The following FRYL variants were observed in gnomAD, a reference collection of about 807,000 sequenced individuals.
FRYL encodes protein furry homolog-like.
A neutral mutation model predicts 351.2 loss-of-function variants in FRYL; 150 were observed. The ratio of observed to expected loss-of-function variants is 0.43; its 90% CI spans 0.37 to 0.49. The LOEUF (loss-of-function observed/expected upper bound fraction) is 0.49, where lower values mean the gene tolerates loss of function less well. Ranked by LOEUF, FRYL falls within the 20% of genes least tolerant of loss-of-function variation. The pLI is 0.00. For missense variants in FRYL, 3,036 were observed against 3,619.3 expected (o/e 0.84, Z 4.13); for synonymous variants, 1,153 against 1,257.1 (o/e 0.92, Z 1.75).
At chr4:48,681,572 A>G (rs1272819634) in intron 3 of FRYL, among the ~76,000 whole-genome samples, 4 of 152,186 alleles carry the variant, frequency 2.6e-5, no homozygotes, top group Admixed American at 6.5e-5. Context: ...AATTCTTATC[A>G]TTTTGAAAAT....
At chr4:48,586,575 G>A (rs1325515872) in intron 19 of FRYL, 46 bp downstream of exon 19, 1 of 1,221,270 alleles carries the variant, frequency 8.2e-7, no homozygotes, top group Admixed American at 1.7e-5. Context: ...AAATATAAAG[G>A]AGCAGAAGAC....
chr4:48,648,237 A>G (rs1388636068), intron 3 of FRYL, among the ~76,000 whole-genome samples: 1 of 152,090 alleles, frequency 6.6e-6, no homozygotes, highest in African/African-American at 2.4e-5. Flanking sequence ...AATCACCCCA[A>G]TCACTGTCGC....
chr4:48,565,138 ATACTT>A (rs1736481869), intron 29 of FRYL, 95 bp from the exon 30 acceptor site: 2 of 604,344 alleles, frequency 3.3e-6, no homozygotes, highest in Non-Finnish European at 5.7e-6. Flanking sequence ...TCTAGTCACA[ATACTT>A]TAATCTTTTT....
At chr4:48,700,359 G>A (rs1766599553) in intron 2 of FRYL, among the ~76,000 whole-genome samples, 1 of 151,998 alleles carries the variant, frequency 6.6e-6, no homozygotes, top group Non-Finnish European at 1.5e-5. Context: ...ACCTCATCAG[G>A]TTTTTTTCAC....
intron 3 of FRYL, among the ~76,000 whole-genome samples, chr4:48,683,225 C>G (rs896868756): frequency 6.7e-6 from 1 of 149,930 alleles, no homozygotes; most frequent in Admixed American, 6.7e-5. Context: ...ACAATGAGAA[C>G]ACATGGACAC....
intron 3 of FRYL, among the ~76,000 whole-genome samples, chr4:48,655,657 T>C (rs1758697375): frequency 1.4e-5 from 2 of 147,334 alleles, no homozygotes; most frequent in Non-Finnish European, 3.0e-5. Context: ...ATATATACAT[T>C]ATATATAATG....
Position 48,518,584 on chromosome 4 carries a change from CAT to C in FRYL, c.7689+2462_7689+2463del, listed in dbSNP as rs368952508. 3.1e-3 allele frequency among the ~76,000 whole-genome samples: 467 copies of C among 152,320 alleles called. 1 individual carries two copies. Among genetic ancestry groups the C allele is most frequent in the African/African-American group, 0.011 (444 of 41,576 alleles). ...GTTACCTGCTGTGTGGCCTGTGACA[CAT>C]GTCATGACAGTGCCTTGGCCCACCC... On this transcript the variant is annotated intron_variant, in intron 55 of 63. Coordinates refer to ENST00000358350, the MANE Select transcript of FRYL (RefSeq NM_015030.2).
intron 3 of FRYL, among the ~76,000 whole-genome samples, chr4:48,635,843 A>G (rs1754122255): frequency 6.6e-6 from 1 of 152,212 alleles, no homozygotes; most frequent in African/African-American, 2.4e-5. Flanking sequence ...AAGAGGAAGC[A>G]GAACACAATT....
chr4:48,627,516 T>C (rs555467304), intron 4 of FRYL, among the ~76,000 whole-genome samples: 2 of 152,284 alleles, frequency 1.3e-5, no homozygotes, highest in African/African-American at 4.8e-5. Flanking sequence ...TTCTGAAGAT[T>C]TGACATCCTC....
intron 28 of FRYL, among the ~76,000 whole-genome samples, chr4:48,566,802 G>A (rs948556076): frequency 5.3e-5 from 8 of 152,144 alleles, no homozygotes; most frequent in Admixed American, 3.3e-4. Context: ...AGTATCTGTC[G>A]ATATAGACCC....
chr4:48,713,234 A>T (rs1379782682), intron 1 of FRYL, among the ~76,000 whole-genome samples: 1 of 152,152 alleles, frequency 6.6e-6, no homozygotes, highest in East Asian at 1.9e-4. Context: ...TAACACTATT[A>T]ACTTTATTTG....
chr4:48,577,104 C>T (rs1739797679), intron 23 of FRYL, among the ~76,000 whole-genome samples: 1 of 151,996 alleles, frequency 6.6e-6, no homozygotes, highest in Admixed American at 6.6e-5. Context: ...AGCAATTTTT[C>T]CCTATTATAC....
Position 48,658,744 on chromosome 4 carries a change from C to T in FRYL, c.-80-24254G>A, listed in dbSNP as rs1012668249. On this transcript the variant is annotated intron_variant, in intron 3 of 63. Transcript: ENST00000358350. ...ACTCCTGCCTGAGTGACAGTGAGAC[C>T]TTCATAAATAAATAAATAAATAAAT... Among the ~76,000 whole-genome samples, 23 of 88,348 alleles carry T rather than the reference C, an allele frequency of 2.6e-4. 1 individual carries two copies. The highest frequency in any genetic ancestry group is 1.0e-3 in the African/African-American group (23 of 23,034). The allele number at this position is 88,348 out of a possible 152,430, so 58.0% of individuals were successfully genotyped here. A position where few individuals can be genotyped will look rare whatever the true frequency, so the allele number is the denominator to read the frequency against.
At chr4:48,641,929 T>C (rs1200892958) in intron 3 of FRYL, among the ~76,000 whole-genome samples, 1 of 152,240 alleles carries the variant, frequency 6.6e-6, no homozygotes, top group Non-Finnish European at 1.5e-5. Flanking sequence ...TTCGCTTTAT[T>C]TGTTCCATTT....
chr4:48,720,063 T>G (rs572819594), intron 1 of FRYL, among the ~76,000 whole-genome samples: 2 of 145,988 alleles, frequency 1.4e-5, no homozygotes, highest in Non-Finnish European at 3.0e-5. Flanking sequence ...GGCAGGAGAA[T>G]GGCTTGAACC....
chr4:48,701,490 T>C (rs568501611), intron 2 of FRYL, among the ~76,000 whole-genome samples: 1 of 151,940 alleles, frequency 6.6e-6, no homozygotes, highest in Non-Finnish European at 1.5e-5. Flanking sequence ...GAAGGAAAAA[T>C]TGAATAAGAG....
intron 3 of FRYL, among the ~76,000 whole-genome samples, chr4:48,656,592 A>G (rs1217874742): frequency 3.9e-5 from 5 of 129,236 alleles, no homozygotes; most frequent in Admixed American, 1.7e-4. Context: ...TAATGTATAT[A>G]GTAATGTATA....
intron 7 of FRYL, chr4:48,618,225 TTTAA>T (rs932909563): frequency 6.6e-6 from 1 of 152,236 alleles, no homozygotes; most frequent in African/African-American, 2.4e-5. Context: ...TGATTTAACC[TTTAA>T]TTAACTCTTC....
In FRYL at chr4:48,567,218, A is replaced by G. The variant is rs1736983365; in HGVS notation, c.3169+30T>C. Reference sequence around the variant, plus strand: ...AAAATATGACGGTTCCTTAATACTCAATAATGCTTTAAGAAACTGAAAATA... The same window carrying G: ...AAAATATGACGGTTCCTTAATACTCGATAATGCTTTAAGAAACTGAAAATA... On this transcript the variant is annotated intron_variant, in intron 28 of 63. Coordinates refer to ENST00000358350, the MANE Select transcript of FRYL (RefSeq NM_015030.2). The surrounding 1 kb of genome is among the most constrained non-coding windows in gnomAD (Gnocchi z 4.2). 4 of 1,569,538 alleles carry G rather than the reference A, an allele frequency of 2.5e-6. No individual in the cohort carries two copies. In the South Asian group the frequency reaches 3.6e-5, roughly 14 times the overall value.
Sources: allele counts gnomAD v4.1 joint callset (sites outside exome capture counted in the v4.1 genomes callset), GRCh38; gene constraint gnomAD v4.1.1; non-coding constraint Gnocchi (gnomAD v3.1); transcripts MANE v1.5; gene names NCBI Gene and HGNC (gene_info 2026-07-23, HGNC 2026-07-21).